The following TRPC5 variants were observed in gnomAD, a reference collection of about 807,000 sequenced individuals.
The protein encoded by TRPC5 is transient receptor potential cation channel subfamily C member 5.
Under a neutral mutation model 56.5 loss-of-function variants are expected in TRPC5, and 9 were observed. The ratio of observed to expected loss-of-function variants is 0.16; its 90% CI spans 0.10 to 0.28. The LOEUF is 0.28. Among genes scored for constraint, TRPC5 ranks in the 10% least tolerant of loss-of-function variants. The probability of loss-of-function intolerance (pLI) is 1.00; values close to 1 mark genes in which losing one functional copy is unlikely to be tolerated. For synonymous variants in TRPC5, 282 were observed against 278.5 expected, an observed-to-expected ratio of 1.01 and a Z score of -0.13; for missense variants, 469 against 748.9, an observed-to-expected ratio of 0.63 and a Z score of 4.36.
intron 7 of TRPC5, among the ~76,000 whole-genome samples, chrX:111,823,978 C>T (rs984002081): frequency 1.8e-5 from 2 of 111,133 alleles, no homozygotes; most frequent in Admixed American, 1.9e-4. Context: ...TGCCTGTAAT[C>T]CTAGCACTTT....
intron 1 of TRPC5, among the ~76,000 whole-genome samples, chrX:111,964,365 A>G (rs1927492758): frequency 8.9e-6 from 1 of 112,385 alleles, no homozygotes; most frequent in African/African-American, 3.2e-5. Context: ...ACCTGAAAGT[A>G]ACAGGGAGAA....
intron 7 of TRPC5, among the ~76,000 whole-genome samples, chrX:111,823,332 G>T (rs938651024): frequency 4.5e-5 from 5 of 111,841 alleles, no homozygotes; most frequent in Non-Finnish European, 7.5e-5. Flanking sequence ...TGCAGCGTTT[G>T]CAGAGACAAT....
rs767945587 is a variant in TRPC5 at position 111,940,280 on chromosome X, T to C, written c.378+11763A>G. On this transcript the variant is annotated intron_variant, in intron 2 of 10. Coordinates refer to ENST00000262839, the MANE Select transcript of TRPC5 (RefSeq NM_012471.3). ...TTGTGGTTCGAGAAGATGCGGAGTCTCTGTTGCCCAGGCTGGAGTGCAGTG... is the reference window on the plus strand; with the variant it reads ...TTGTGGTTCGAGAAGATGCGGAGTCCCTGTTGCCCAGGCTGGAGTGCAGTG... Among the ~76,000 whole-genome samples, 3 of 111,993 alleles carry C rather than the reference T, an allele frequency of 2.7e-5. No individual in the cohort carries two copies. The Admixed American group carries it at 2.9e-4, about 11-fold the overall frequency.
At chrX:111,840,878 T>A (rs1248666723) in intron 6 of TRPC5, among the ~76,000 whole-genome samples, 1 of 112,662 alleles carries the variant, frequency 8.9e-6, no homozygotes, top group African/African-American at 3.2e-5. Flanking sequence ...GGATTCCATC[T>A]TCCTTGGTAT....
intron 1 of TRPC5, among the ~76,000 whole-genome samples, chrX:111,962,060 A>T (rs1205158670): frequency 1.0e-5 from 1 of 99,551 alleles, no homozygotes; most frequent in East Asian, 2.8e-4. Context: ...TAAAGATGGA[A>T]ATAATAGACA....
chrX:111,957,320 A>G, intron 1 of TRPC5, among the ~76,000 whole-genome samples: 1 of 112,029 alleles, frequency 8.9e-6, no homozygotes, highest in Non-Finnish European at 1.9e-5. Flanking sequence ...CTGTATAGTA[A>G]TATATTTGCA....
intron 10 of TRPC5, among the ~76,000 whole-genome samples, chrX:111,777,399 A>G (rs1233036533): frequency 9.0e-6 from 1 of 110,843 alleles, no homozygotes; most frequent in Non-Finnish European, 1.9e-5. Flanking sequence ...GTGAAACTAG[A>G]AAAGTTGAAT....
At chrX:112,034,587 T>C (rs1254775865) in intron 1 of TRPC5, among the ~76,000 whole-genome samples, 2 of 106,376 alleles carry the variant, frequency 1.9e-5, no homozygotes, top group South Asian at 3.9e-4. Flanking sequence ...ATGTTTTACA[T>C]TGATGGATTT....
At chrX:111,855,937 C>G (rs1457559398) in intron 3 of TRPC5, among the ~76,000 whole-genome samples, 3 of 111,909 alleles carry the variant, frequency 2.7e-5, no homozygotes, top group Admixed American at 1.9e-4. Flanking sequence ...AATGGGAACA[C>G]AAGGGAGGGA....
chrX:111,995,503 CT>C (rs996933626), intron 1 of TRPC5, among the ~76,000 whole-genome samples: 5 of 111,463 alleles, frequency 4.5e-5, no homozygotes, highest in Non-Finnish European at 9.4e-5. Flanking sequence ...AGGATACCCT[CT>C]TTTTCTATTG....
intron 3 of TRPC5, among the ~76,000 whole-genome samples, chrX:111,872,499 T>A (rs906753081): frequency 3.6e-5 from 4 of 111,840 alleles, no homozygotes; most frequent in African/African-American, 1.3e-4. Flanking sequence ...CAAGACACAT[T>A]TTAGAGGGTT....
intron 1 of TRPC5, among the ~76,000 whole-genome samples, chrX:111,988,658 T>C (rs1460908964): frequency 9.0e-6 from 1 of 111,171 alleles, no homozygotes; most frequent in Non-Finnish European, 1.9e-5. Flanking sequence ...ATTGCCTGAA[T>C]GTAGTAAGTA....
At chrX:111,972,206 C>T (rs1927803796) in intron 1 of TRPC5, among the ~76,000 whole-genome samples, 1 of 111,710 alleles carries the variant, frequency 9.0e-6, no homozygotes, top group Non-Finnish European at 1.9e-5. Flanking sequence ...TTTCCTTGGG[C>T]CCTTTACCAA....
intron 3 of TRPC5, among the ~76,000 whole-genome samples, chrX:111,910,973 G>A (rs1337093307): frequency 1.8e-5 from 2 of 112,690 alleles, no homozygotes; most frequent in African/African-American, 6.4e-5. Context: ...GCAGGTAAAT[G>A]GCAAAAATAA....
intron 7 of TRPC5, among the ~76,000 whole-genome samples, chrX:111,788,429 T>C (rs747693945): frequency 2.7e-5 from 3 of 111,887 alleles, no homozygotes; most frequent in African/African-American, 9.7e-5. Context: ...TAATAAGAGC[T>C]ATTTATGACA....
chrX:111,894,079 T>C (rs1924945625), intron 3 of TRPC5, among the ~76,000 whole-genome samples: 1 of 111,504 alleles, frequency 9.0e-6, no homozygotes, highest in Admixed American at 9.6e-5. Flanking sequence ...GGGAACACTA[T>C]GGAAAAAAAT....
intron 4 of TRPC5, 39 bp downstream of exon 4, chrX:111,853,731 C>A: frequency 8.6e-7 from 1 of 1,164,474 alleles, no homozygotes; most frequent in South Asian, 1.9e-5. Flanking sequence ...ACAGGACCAT[C>A]AGGCAGTCTG....
chrX:112,008,477 G>A (rs771779844), intron 1 of TRPC5, among the ~76,000 whole-genome samples: 4 of 109,778 alleles, frequency 3.6e-5, no homozygotes, highest in East Asian at 2.9e-4. Context: ...GTGGGTGCCT[G>A]TAGTCCCAGC....
chrX:111,971,462 A>T (rs1317351123), intron 1 of TRPC5, among the ~76,000 whole-genome samples: 1 of 111,461 alleles, frequency 9.0e-6, no homozygotes, highest in Non-Finnish European at 1.9e-5. Flanking sequence ...CTGTACTCAG[A>T]AGGTAGTACA....
Sources: allele counts gnomAD v4.1 joint callset (sites outside exome capture counted in the v4.1 genomes callset), GRCh38; gene constraint gnomAD v4.1.1; transcripts MANE v1.5; gene names NCBI Gene and HGNC (gene_info 2026-07-23, HGNC 2026-07-21).